Variants in SV2C observed in about 807,000 individuals in gnomAD.
SV2C encodes solute carrier family 22 member B3.
Under a neutral mutation model 79.7 loss-of-function variants are expected in SV2C, and 49 were observed. The ratio of observed to expected loss-of-function variants is 0.61; its 90% CI spans 0.49 to 0.78. The LOEUF (loss-of-function observed/expected upper bound fraction) is 0.78, where lower values mean the gene tolerates loss of function less well. SV2C is among the 30% of genes least tolerant of loss of function. The pLI, the probability that SV2C is intolerant of heterozygous loss-of-function variation, is 0.00. For missense variants in SV2C, 833 were observed against 912.9 expected (o/e 0.91, Z 1.13); for synonymous variants, 334 against 333.2 (o/e 1.00, Z -0.03).
At chr5:76,195,463 C>T (rs1744243368) in intron 3 of SV2C, among the ~76,000 whole-genome samples, 1 of 152,152 alleles carries the variant, frequency 6.6e-6, no homozygotes, top group African/African-American at 2.4e-5. Context: ...AGGTTTGAGC[C>T]ATTCAAGCAT....
At chr5:76,243,012 T>TAAAAAAAAAAAAAAAAAAAAAA (rs559052290) in intron 4 of SV2C, among the ~76,000 whole-genome samples, 17 of 49,924 alleles carry the variant, frequency 3.4e-4, no homozygotes, top group African/African-American at 4.5e-4. Context: ...AGACCCCATC[T>TAAAAAAAAAAAAAAAAAAAAAA]AAAAAAAAAA....
intron 1 of SV2C, among the ~76,000 whole-genome samples, chr5:76,123,587 A>G (rs994128456): frequency 3.3e-5 from 5 of 152,256 alleles, no homozygotes; most frequent in Admixed American, 2.0e-4. Flanking sequence ...GCAAATCAAT[A>G]AATGTAATCC....
chr5:76,006,792 T>C, the SV2C span, among the ~76,000 whole-genome samples: 8 of 128,632 alleles, frequency 6.2e-5, no homozygotes, highest in African/African-American at 2.5e-4. Context: ...TCTATCATTG[T>C]TGTTCCTCTG....
chr5:75,945,720 C>T, the SV2C span, among the ~76,000 whole-genome samples: 1,188 of 151,944 alleles, frequency 7.8e-3, 40 homozygotes, highest in Admixed American at 0.062. Flanking sequence ...TAAAATCATA[C>T]GAGTATGTTC....
intron 2 of SV2C, among the ~76,000 whole-genome samples, chr5:76,176,409 C>T (rs1743531813): frequency 6.6e-6 from 1 of 152,194 alleles, no homozygotes; most frequent in African/African-American, 2.4e-5. Flanking sequence ...TCCTTGTGCT[C>T]TTTCCTCTAA....
the SV2C span, among the ~76,000 whole-genome samples, chr5:76,032,756 T>C: frequency 2.0e-5 from 3 of 152,250 alleles, no homozygotes; most frequent in African/African-American, 7.2e-5. Context: ...CCTTTGGGTA[T>C]ATACCCAGTA....
chr5:76,240,482 A>G (rs1210962579), intron 4 of SV2C, among the ~76,000 whole-genome samples: 3 of 152,170 alleles, frequency 2.0e-5, no homozygotes, highest in African/African-American at 7.2e-5. Context: ...GGAAGTAACT[A>G]ACTAGGAATC....
chr5:76,194,632 A>G (rs1744213788), intron 2 of SV2C, among the ~76,000 whole-genome samples: 1 of 152,166 alleles, frequency 6.6e-6, no homozygotes, highest in South Asian at 2.1e-4. Flanking sequence ...TTATTTTACA[A>G]TTGCTCACAA....
At chr5:75,915,743 C>T in the SV2C span, among the ~76,000 whole-genome samples, 1 of 152,138 alleles carries the variant, frequency 6.6e-6, no homozygotes, top group Admixed American at 6.5e-5. Context: ...GTACAAGGTC[C>T]TCAATGAGTG....
At chr5:76,311,729 T>C (rs1038791009) in intron 12 of SV2C, among the ~76,000 whole-genome samples, 2 of 152,134 alleles carry the variant, frequency 1.3e-5, no homozygotes, top group African/African-American at 4.8e-5. Context: ...ATAGAATGGA[T>C]TTTCCAGCTT....
the SV2C span, among the ~76,000 whole-genome samples, chr5:75,967,429 A>G: frequency 6.6e-6 from 1 of 152,216 alleles, no homozygotes; most frequent in African/African-American, 2.4e-5. Flanking sequence ...TACTCAAAGA[A>G]GGGGGTGATG....
At chr5:76,287,356 A>G (rs2112498829) in intron 6 of SV2C, among the ~76,000 whole-genome samples, 1 of 152,352 alleles carries the variant, frequency 6.6e-6, no homozygotes, top group Non-Finnish European at 1.5e-5. Context: ...CTTGACATGA[A>G]CATAAGGTAT....
At chr5:76,048,965 G>GAGAAAGAA in the SV2C span, among the ~76,000 whole-genome samples, 5,417 of 58,088 alleles carry the variant, frequency 0.093, 367 homozygotes, top group Non-Finnish European at 0.11. Context: ...GAAAGAAAAA[G>GAGAAAGAA]AGAAAGAAAG....
At chr5:75,877,096 G>T in the SV2C span, among the ~76,000 whole-genome samples, 1 of 151,964 alleles carries the variant, frequency 6.6e-6, no homozygotes, top group South Asian at 2.1e-4. Flanking sequence ...GCAAAAGGAT[G>T]TAAAAAGACA....
chr5:76,098,545 A>G (rs891851249), intron 1 of SV2C, among the ~76,000 whole-genome samples: 2 of 152,228 alleles, frequency 1.3e-5, no homozygotes, highest in African/African-American at 4.8e-5. Context: ...TCATTTATTG[A>G]TAAATACATT....
chr5:76,236,309 C>T (rs987955265), intron 4 of SV2C, among the ~76,000 whole-genome samples: 6 of 152,156 alleles, frequency 3.9e-5, no homozygotes, highest in Admixed American at 1.3e-4. Flanking sequence ...GTGGCTCACA[C>T]CTGTAATCCC....
At chr5:75,956,277 T>C in the SV2C span, among the ~76,000 whole-genome samples, 1 of 146,978 alleles carries the variant, frequency 6.8e-6, no homozygotes, top group Non-Finnish European at 1.5e-5. Flanking sequence ...ATCATCATTC[T>C]CAGTAAACTA....
chr5:76,279,577 A>G (rs555352319), intron 4 of SV2C, among the ~76,000 whole-genome samples: 15 of 152,258 alleles, frequency 9.9e-5, no homozygotes, highest in Non-Finnish European at 1.9e-4. Context: ...TTAGAGTGCA[A>G]CCATTAAATA....
At chr5:76,232,068 T>C (rs1309303519) in intron 4 of SV2C, among the ~76,000 whole-genome samples, 5 of 148,402 alleles carry the variant, frequency 3.4e-5, no homozygotes, top group Non-Finnish European at 7.4e-5. Context: ...TGTAAAAGTG[T>C]TCCTATTTCT....
Sources: gnomAD v4.1 joint callset for allele counts (sites outside exome capture counted in the v4.1 genomes callset) on GRCh38, gnomAD v4.1.1 for gene constraint, MANE v1.5 for transcripts, NCBI Gene and HGNC (gene_info 2026-07-23, HGNC 2026-07-21) for gene names.